The following ZNF69 variants were observed in gnomAD, a reference collection of about 807,000 sequenced individuals.
ZNF69 encodes zinc finger protein 69.
In ZNF69, 47 loss-of-function variants were observed where a neutral mutation model predicts 50.9. That is an observed-to-expected ratio of 0.92 (90% CI 0.73 to 1.18). The LOEUF is 1.18. Among genes scored for constraint, ZNF69 ranks in the 50% most tolerant of loss-of-function variants. The probability of loss-of-function intolerance (pLI) is 0.00; values close to 1 mark genes in which losing one functional copy is unlikely to be tolerated. For missense variants in ZNF69, 717 were observed against 675.1 expected, an observed-to-expected ratio of 1.06 and a Z score of -0.69; for synonymous variants, 216 against 223.1, an observed-to-expected ratio of 0.97 and a Z score of 0.29.
chr19:11,950,470 T>A, the ZNF69 span: 2 of 685,772 alleles, frequency 2.9e-6, no homozygotes, highest in Non-Finnish European at 5.3e-6. Flanking sequence ...AGAGAAACCC[T>A]ATGAGTGTAT....
At chr19:11,910,040 G>A (rs1268906783), downstream of ZNF69, among the ~76,000 whole-genome samples, 1 of 151,224 alleles carries the variant, frequency 6.6e-6, no homozygotes, top group Non-Finnish European at 1.5e-5. Flanking sequence ...GACAAACAGA[G>A]AGCCAAATCA....
At chr19:11,889,292 T>C (rs1394165120) in intron 1 of ZNF69, among the ~76,000 whole-genome samples, 1 of 152,128 alleles carries the variant, frequency 6.6e-6, no homozygotes, top group Non-Finnish European at 1.5e-5. Context: ...AGTCAGATAA[T>C]GTCTGTTTTT....
At position 11,903,576 on chromosome 19, in the gene ZNF69, C is replaced by T. The variant is rs1238528439; in HGVS notation, c.67C>T (p.Pro23Ser). 1 of 1,614,090 alleles carries T rather than the reference C, an allele frequency of 6.2e-7. No individual in the cohort carries two copies. Among genetic ancestry groups the T allele is most frequent in the Admixed American group, 1.7e-5 (1 of 59,994 alleles). The change falls in exon 2 of 4, where the codon CCA becomes TCA. Residue 23 changes from proline (P) to serine (S), a missense_variant. Physicochemically the swap from Pro to Ser is moderately conservative, Grantham distance 74. Transcript: ENST00000429654. ...PGTSESQEMD[P>S]VAFDDVAVNF... Reference sequence around the variant, plus strand: ...CTACACATGTGAGATGTTTCAGGACCCAGTGGCCTTTGATGATGTTGCTGT... The same window carrying T: ...CTACACATGTGAGATGTTTCAGGACTCAGTGGCCTTTGATGATGTTGCTGT...
rs73506864 is a variant in ZNF69 at position 11,896,294 on chromosome 19, C to G, written c.64-7279C>G. On this transcript the variant is annotated intron_variant, in intron 1 of 3. Coordinates refer to ENST00000429654, the MANE Select transcript of ZNF69 (RefSeq NM_001364730.1). ...GTTTTCCATTGGTCTATCTTTCCAT[C>G]TCTCTGATAATACCATTTTCTCTTA... 5.8e-3 allele frequency among the ~76,000 whole-genome samples: 844 copies of G among 145,656 alleles called. 8 individuals are homozygous for G. Among genetic ancestry groups the G allele is most frequent in the African/African-American group, 0.02 (801 of 39,790 alleles).
the ZNF69 span, chr19:11,949,547 A>G: frequency 6.2e-7 from 1 of 1,611,320 alleles, no homozygotes; most frequent in Non-Finnish European, 8.5e-7. Flanking sequence ...GAAAGACCTT[A>G]TAAATGTAGT....
At chr19:11,950,251 T>A in the ZNF69 span, 1 of 1,606,842 alleles carries the variant, frequency 6.2e-7, no homozygotes, top group Non-Finnish European at 8.5e-7. Flanking sequence ...AGCATTCAGC[T>A]AGCCTGGTTC....
chr19:11,931,436 G>T, the ZNF69 span, among the ~76,000 whole-genome samples: 1 of 148,126 alleles, frequency 6.8e-6, no homozygotes, highest in Non-Finnish European at 1.5e-5. Flanking sequence ...ACTTCCCAGA[G>T]ATGTCACCTT....
chr19:11,977,952 T>C, the ZNF69 span, among the ~76,000 whole-genome samples: 1 of 152,210 alleles, frequency 6.6e-6, no homozygotes, highest in South Asian at 2.1e-4. Context: ...ACAATAGGTA[T>C]GACTATGTCA....
chr19:11,957,616 G>GCA, the ZNF69 span, among the ~76,000 whole-genome samples: 19 of 152,152 alleles, frequency 1.2e-4, no homozygotes, highest in Admixed American at 3.3e-4. Flanking sequence ...AGGCTGAGAT[G>GCA]GGCAGATCAC....
chr19:11,937,674 G>T, the ZNF69 span, among the ~76,000 whole-genome samples: 1 of 151,738 alleles, frequency 6.6e-6, no homozygotes, highest in Non-Finnish European at 1.5e-5. Flanking sequence ...ATTTTTAGTA[G>T]AGACGGGGTT....
At chr19:11,888,198 C>G (rs935357503) in intron 1 of ZNF69, among the ~76,000 whole-genome samples, 1 of 152,230 alleles carries the variant, frequency 6.6e-6, no homozygotes, top group African/African-American at 2.4e-5. Flanking sequence ...CTCTGCGCGG[C>G]GACTGCGGTT....
the ZNF69 span, chr19:11,947,702 C>CA: frequency 1.0e-6 from 1 of 985,204 alleles, no homozygotes; most frequent in Non-Finnish European, 1.5e-6. Context: ...AATATTTTCT[C>CA]AAAAAACATA....
At chr19:11,978,854 GC>G in the ZNF69 span, 1 of 1,613,614 alleles carries the variant, frequency 6.2e-7, no homozygotes, top group Non-Finnish European at 8.5e-7. Context: ...CTGGGGAGAA[GC>G]CCTGTGAATG....
the ZNF69 span, among the ~76,000 whole-genome samples, chr19:11,937,332 C>A: frequency 2.0e-5 from 3 of 152,018 alleles, no homozygotes; most frequent in African/African-American, 7.2e-5. Context: ...TGTATGCCAC[C>A]ATGTCTAATT....
the ZNF69 span, among the ~76,000 whole-genome samples, chr19:11,928,759 G>A: frequency 7.3e-6 from 1 of 137,518 alleles, no homozygotes; most frequent in Non-Finnish European, 1.5e-5. Flanking sequence ...AAAGAAAGTA[G>A]TCTCTGTAGT....
chr19:11,954,077 G>C, the ZNF69 span, among the ~76,000 whole-genome samples: 6 of 152,064 alleles, frequency 3.9e-5, no homozygotes, highest in Non-Finnish European at 8.8e-5. Flanking sequence ...TCAGATCAAG[G>C]AAGTTAAGCA....
the ZNF69 span, chr19:11,948,268 T>C: frequency 6.2e-7 from 1 of 1,610,574 alleles, no homozygotes; most frequent in Admixed American, 1.7e-5. Context: ...GTTTCTCATG[T>C]TTTACAGGAG....
chr19:11,953,654 A>T, the ZNF69 span, among the ~76,000 whole-genome samples: 1 of 152,340 alleles, frequency 6.6e-6, no homozygotes, highest in African/African-American at 2.4e-5. Context: ...ACTCTTCACA[A>T]AGTCAGTGGG....
At chr19:11,949,968 T>C in the ZNF69 span, 1 of 1,614,110 alleles carries the variant, frequency 6.2e-7, no homozygotes, top group East Asian at 2.2e-5. Context: ...AGAAACCCTA[T>C]GAATGTAAGG....
Sources: gnomAD v4.1 joint callset for allele counts (sites outside exome capture counted in the v4.1 genomes callset) on GRCh38, gnomAD v4.1.1 for gene constraint, MANE v1.5 for transcripts, NCBI Gene and HGNC (gene_info 2026-07-23, HGNC 2026-07-21) for gene names.